SCUBE3: variants seen among roughly 807,000 people sequenced by gnomAD.
SCUBE3 encodes the protein signal peptide, CUB and EGF-like domain-containing protein 3.
SCUBE3 carries 33 observed loss-of-function variants against 116.8 expected under a neutral mutation model. That is an observed-to-expected ratio of 0.28 (90% CI 0.21 to 0.38). SCUBE3 has a LOEUF of 0.38. Among genes scored for constraint, SCUBE3 ranks in the 10% least tolerant of loss-of-function variants. The pLI is 1.00. For missense variants in SCUBE3, 1,007 were observed against 1,324.8 expected (o/e 0.76, Z 3.72); for synonymous variants, 418 against 496.9 (o/e 0.84, Z 2.11).
chr6:35,226,387 A>G lies in SCUBE3; in HGVS notation c.86-1193A>G, dbSNP rs377706096. Among the ~76,000 whole-genome samples, 38 of 152,102 alleles carry G rather than the reference A, an allele frequency of 2.5e-4. No homozygotes were observed. In the East Asian group the frequency reaches 6.6e-3, roughly 26 times the overall value. ...GTGTCTTTCACAAACACACTCAATAAGGCGTTTTCAACTGAATAACATGTT... is the reference window on the plus strand; with the variant it reads ...GTGTCTTTCACAAACACACTCAATAGGGCGTTTTCAACTGAATAACATGTT... On this transcript the variant is annotated intron_variant, in intron 1 of 21. Coordinates refer to ENST00000274938, the MANE Select transcript of SCUBE3 (RefSeq NM_152753.4).
In SCUBE3 at chr6:35,231,920, T is replaced by C. The variant is rs1783569926; in HGVS notation, c.469+61T>C. On this transcript the variant is annotated intron_variant, in intron 4 of 21. Coordinates refer to ENST00000274938, the MANE Select transcript of SCUBE3 (RefSeq NM_152753.4). This position sits in a 1 kb window ranked among gnomAD's most constrained non-coding sequence, Gnocchi z 4.2. ...CTCCCCAGGCTTCTCTTCCCAGCTG[T>C]CCCTCAGCAGCCCCTAAGTCTCACC... The C allele has an allele frequency of 6.8e-7, 1 of 1,462,126 alleles. No homozygotes were observed. The highest frequency in any genetic ancestry group is 9.4e-7 in the Non-Finnish European group (1 of 1,065,532). 90.6% of individuals were successfully genotyped at this position (1,462,126 alleles called of 1,614,324 possible).
rs1784285205 is a variant in SCUBE3 at position 35,245,310 on chromosome 6, G to A, written c.2484G>A (p.Val828=). 1.9e-6 allele frequency: 3 copies of A among 1,614,080 alleles called. No homozygotes were observed. Among genetic ancestry groups the A allele is most frequent in the East Asian group, 2.2e-5 (1 of 44,882 alleles). ...ACCCGGGCAACTACCCAGCTGGTGTGGAGTGCATCTGGAACATCAACCCCC... is the reference window on the plus strand; with the variant it reads ...ACCCGGGCAACTACCCAGCTGGTGTAGAGTGCATCTGGAACATCAACCCCC... ...PNYPGNYPAG[V]ECIWNINPPP... The change falls in exon 19 of 22, where the codon GTG becomes GTA. Residue 828 remains valine (V), a synonymous_variant. Coordinates refer to ENST00000274938, the MANE Select transcript of SCUBE3 (RefSeq NM_152753.4). This position sits in a 1 kb window ranked among gnomAD's most constrained non-coding sequence, Gnocchi z 4.2.
At chr6:35,220,366 A>G (rs1415121784) in intron 1 of SCUBE3, 1 of 152,212 alleles carries the variant, frequency 6.6e-6, no homozygotes, top group African/African-American at 2.4e-5. Flanking sequence ...ACTTAGTGAA[A>G]TTATACGAAT....
intron 12 of SCUBE3, 114 bp downstream of exon 12, chr6:35,242,024 T>C: frequency 1.1e-6 from 1 of 910,910 alleles, no homozygotes; most frequent in Non-Finnish European, 1.8e-6. Flanking sequence ...TTTTTTGCCC[T>C]GTAATTCTCC....
Position 35,243,296 on chromosome 6 carries a change from A to G in SCUBE3, c.1909+60A>G. 1 of 1,410,144 alleles carries G rather than the reference A, an allele frequency of 7.1e-7. No individual in the cohort carries two copies. Among genetic ancestry groups the G allele is most frequent in the Non-Finnish European group, 9.9e-7 (1 of 1,005,750 alleles). 87.4% of individuals were successfully genotyped at this position (1,410,144 alleles called of 1,614,324 possible). ...AAGACCCAGTTTGGGCCTGACTCAG[A>G]GCAGGACCCTTTGTGGCCTCAGATG... On this transcript the variant is annotated intron_variant, in intron 15 of 21. Coordinates refer to ENST00000274938, the MANE Select transcript of SCUBE3 (RefSeq NM_152753.4). This position sits in a 1 kb window ranked among gnomAD's most constrained non-coding sequence, Gnocchi z 6.6.
In SCUBE3 at chr6:35,245,808, G is replaced by A; in HGVS notation, c.2600-136G>A. ...TGGGAGAGGGTGTGGGGTAGGGTGTGTGTATGCGAAGGGGGAGCCTTTGTC... is the reference window on the plus strand; with the variant it reads ...TGGGAGAGGGTGTGGGGTAGGGTGTATGTATGCGAAGGGGGAGCCTTTGTC... On this transcript the variant is annotated intron_variant, in intron 19 of 21. Coordinates refer to ENST00000274938, the MANE Select transcript of SCUBE3 (RefSeq NM_152753.4). This position sits in a 1 kb window ranked among gnomAD's most constrained non-coding sequence, Gnocchi z 4.2. 1.1e-6 allele frequency: 1 copy of A among 888,664 alleles called. No individual in the cohort carries two copies. The highest frequency in any genetic ancestry group is 1.8e-6 in the Non-Finnish European group (1 of 565,354). The allele number at this position is 888,664 out of a possible 1,614,324, so 55.0% of individuals were successfully genotyped here.
chr6:35,219,394 C>T lies in SCUBE3; in HGVS notation c.85+4891C>T, dbSNP rs899387703. Reference sequence around the variant, plus strand: ...GACATGTCCCCCTGCAGATCAAGCACTGCTTTGTAGTTGCTGTTAGATGCT... The same window carrying T: ...GACATGTCCCCCTGCAGATCAAGCATTGCTTTGTAGTTGCTGTTAGATGCT... On this transcript the variant is annotated intron_variant, in intron 1 of 21. Transcript: ENST00000274938. This position sits in a 1 kb window ranked among gnomAD's most constrained non-coding sequence, Gnocchi z 4.7. 2.0e-5 allele frequency among the ~76,000 whole-genome samples: 3 copies of T among 152,166 alleles called. No individual in the cohort carries two copies. Among genetic ancestry groups the T allele is most frequent in the African/African-American group, 7.2e-5 (3 of 41,432 alleles).
chr6:35,214,396 CTG>C lies in SCUBE3; in HGVS notation c.-22_-21del, dbSNP rs1782802212. 7.1e-7 allele frequency: 1 copy of C among 1,415,740 alleles called. No homozygotes were observed. The highest frequency in any genetic ancestry group is 9.3e-7 in the Non-Finnish European group (1 of 1,080,640). The allele number at this position is 1,415,740 out of a possible 1,614,324, so 87.7% of individuals were successfully genotyped here. A position where few individuals can be genotyped will look rare whatever the true frequency, so the allele number is the denominator to read the frequency against. ...CTGGCCGCGAGACCGGCCCCGGCGG[CTG>C]GGCCGCCAGTAGCTCCAGCCATGGG... On this transcript the variant is annotated 5_prime_UTR_variant, in exon 1 of 22. Transcript: ENST00000274938. The surrounding 1 kb of genome is among the most constrained non-coding windows in gnomAD (Gnocchi z 6.3).
Position 35,228,570 on chromosome 6 carries a change from G to A in SCUBE3, c.209-44G>A. On this transcript the variant is annotated intron_variant, in intron 2 of 21. Transcript: ENST00000274938. The surrounding 1 kb of genome is among the most constrained non-coding windows in gnomAD (Gnocchi z 4.9). ...GGCTGAGTCTGGGGGTGGACAGTGGGTTCGCAGGTGGGTTCAGCTGTCTCA... is the reference window on the plus strand; with the variant it reads ...GGCTGAGTCTGGGGGTGGACAGTGGATTCGCAGGTGGGTTCAGCTGTCTCA... 6.2e-7 allele frequency: 1 copy of A among 1,607,438 alleles called. No homozygotes were observed. The highest frequency in any genetic ancestry group is 8.5e-7 in the Non-Finnish European group (1 of 1,175,698).
intron 1 of SCUBE3, among the ~76,000 whole-genome samples, chr6:35,227,209 A>C (rs1028581021): frequency 3.9e-5 from 6 of 151,970 alleles, no homozygotes; most frequent in African/African-American, 1.5e-4. Flanking sequence ...TTTTCCCTTA[A>C]CTTTCCCTCT....
At chr6:35,225,927 G>T (rs182714290) in intron 1 of SCUBE3, among the ~76,000 whole-genome samples, 122 of 152,276 alleles carry the variant, frequency 8.0e-4, no homozygotes, top group African/African-American at 2.7e-3. Context: ...AATTGTCTTG[G>T]TGTCAAATCT....
chr6:35,225,750 C>A (rs1218262313), intron 1 of SCUBE3, among the ~76,000 whole-genome samples: 1 of 152,170 alleles, frequency 6.6e-6, no homozygotes, highest in Non-Finnish European at 1.5e-5. Flanking sequence ...CAAGCTAGGA[C>A]TCTGGGTATC....
chr6:35,218,536 T>C (rs1015520621), intron 1 of SCUBE3, among the ~76,000 whole-genome samples: 25 of 152,152 alleles, frequency 1.6e-4, no homozygotes, highest in African/African-American at 4.1e-4. Context: ...TGACCACTTA[T>C]AAGAAAGAGT....
rs1784083403 is a variant in SCUBE3, at chr6:35,241,972, G to A, written c.1417+62G>A. The A allele has an allele frequency of 8.2e-7, 1 of 1,215,708 alleles. No individual in the cohort carries two copies. Among genetic ancestry groups the A allele is most frequent in the Non-Finnish European group, 1.2e-6 (1 of 826,530 alleles). 75.3% of individuals were successfully genotyped at this position (1,215,708 alleles called of 1,614,324 possible). On this transcript the variant is annotated intron_variant, in intron 12 of 21. Coordinates refer to ENST00000274938, the MANE Select transcript of SCUBE3 (RefSeq NM_152753.4). The surrounding 1 kb of genome is among the most constrained non-coding windows in gnomAD (Gnocchi z 4.1). ...TCTCTTACATTAATCCCTTATTTTTGTTCTTCATCAATCCCCTGGCCTTCC... is the reference window on the plus strand; with the variant it reads ...TCTCTTACATTAATCCCTTATTTTTATTCTTCATCAATCCCCTGGCCTTCC...
At position 35,237,784 on chromosome 6, in the gene SCUBE3, A is replaced by C. The variant is rs539248472; in HGVS notation, c.713-118A>C. On this transcript the variant is annotated intron_variant, in intron 6 of 21. Coordinates refer to ENST00000274938, the MANE Select transcript of SCUBE3 (RefSeq NM_152753.4). The stretch of plus-strand genomic sequence containing the variant: ...TCCCTTGGCTTAATGCTCCTTCTAA[A>C]GCACAGAGAGGCAGCTGAGGCCTTC... 122 of 643,052 alleles carry C rather than the reference A, an allele frequency of 1.9e-4. 5 individuals carry two copies. The South Asian group carries it at 2.0e-3, about 11-fold the overall frequency. The allele number at this position is 643,052 out of a possible 1,614,324, so 39.8% of individuals were successfully genotyped here.
In SCUBE3 at chr6:35,241,868, G is replaced by A; in HGVS notation, c.1375G>A (p.Ala459Thr). Residue 459 changes from alanine to threonine, a missense_variant, in exon 12 of 22, where the codon GCT (alanine) becomes ACT (threonine). Around this residue, in one of 5 missense-constraint regions of SCUBE3, gnomAD observed 544 missense variants for 638.9 expected, o/e 0.85. Transcript: ENST00000274938. This position sits in a 1 kb window ranked among gnomAD's most constrained non-coding sequence, Gnocchi z 4.1. ...TPSPRAAPAR[A>T]GHNGNSTNSN... The stretch of plus-strand genomic sequence containing the variant: ...CAGCCCCAGGGCTGCTCCAGCCCGA[G>A]CTGGCCACAATGGGAACAGCACCAA... The A allele has an allele frequency of 6.2e-7, 1 of 1,612,048 alleles. No homozygotes were observed. The highest frequency in any genetic ancestry group is 8.5e-7 in the Non-Finnish European group (1 of 1,179,976).
Position 35,243,382 on chromosome 6 carries a change from C to T in SCUBE3, c.1909+146C>T. 1 of 887,542 alleles carries T rather than the reference C, an allele frequency of 1.1e-6. No homozygotes were observed. Among genetic ancestry groups the T allele is most frequent in the Non-Finnish European group, 1.7e-6 (1 of 578,538 alleles). 55.0% of individuals were successfully genotyped at this position (887,542 alleles called of 1,614,324 possible). On this transcript the variant is annotated intron_variant, in intron 15 of 21. Coordinates refer to ENST00000274938, the MANE Select transcript of SCUBE3 (RefSeq NM_152753.4). This position sits in a 1 kb window ranked among gnomAD's most constrained non-coding sequence, Gnocchi z 6.6. ...GCCCGCTGTCCTCCCTTCCTTGGTTCCAGGCTGAAATCTAGAAGGATGCCA... is the reference window on the plus strand; with the variant it reads ...GCCCGCTGTCCTCCCTTCCTTGGTTTCAGGCTGAAATCTAGAAGGATGCCA...
In SCUBE3 at chr6:35,228,828, A is replaced by G. The variant is rs1783422605; in HGVS notation, c.334+89A>G. ...TTCCTATTTCCCAGGGAAGGAGGAG[A>G]GAGTGATCAAGAAGAGCTACATTCA... On this transcript the variant is annotated intron_variant, in intron 3 of 21. Transcript: ENST00000274938. This position sits in a 1 kb window ranked among gnomAD's most constrained non-coding sequence, Gnocchi z 4.9. 2.9e-6 allele frequency: 4 copies of G among 1,364,130 alleles called. No homozygotes were observed. The highest frequency in any genetic ancestry group is 2.8e-5 in the African/African-American group (2 of 70,332). 84.5% of individuals were successfully genotyped at this position (1,364,130 alleles called of 1,614,324 possible).
Position 35,219,230 on chromosome 6 carries a change from T to A in SCUBE3, c.85+4727T>A, listed in dbSNP as rs925887906. Among the ~76,000 whole-genome samples the A allele has an allele frequency of 7.9e-5, 12 of 152,212 alleles. No homozygotes were observed. Among genetic ancestry groups the A allele is most frequent in the African/African-American group, 2.9e-4 (12 of 41,450 alleles). ...AGCCCCTGAAGAACACATGTGTGTT[T>A]CTATATGTGTGTATCCAACAAAGTT... On this transcript the variant is annotated intron_variant, in intron 1 of 21. Coordinates refer to ENST00000274938, the MANE Select transcript of SCUBE3 (RefSeq NM_152753.4). The surrounding 1 kb of genome is among the most constrained non-coding windows in gnomAD (Gnocchi z 4.7).
Sources: gnomAD v4.1 joint callset for allele counts (sites outside exome capture counted in the v4.1 genomes callset) on GRCh38, gnomAD v4.1.1 for gene constraint, gnomAD v4.1.1 regional missense constraint, Gnocchi (gnomAD v3.1) non-coding constraint, MANE v1.5 for transcripts, NCBI Gene and HGNC (gene_info 2026-07-23, HGNC 2026-07-21) for gene names.